Variants in GALNTL6 observed in about 807,000 individuals in gnomAD.
The protein encoded by GALNTL6 is polypeptide N-acetylgalactosaminyltransferase like 6, also known as polypeptide N-acetylgalactosaminyltransferase-like 6.
GALNTL6 carries 46 observed loss-of-function variants against 73.7 expected under a neutral mutation model. That is an observed-to-expected ratio of 0.62 (90% CI 0.49 to 0.80). The LOEUF (loss-of-function observed/expected upper bound fraction) is 0.80, where lower values mean the gene tolerates loss of function less well. Ranked by LOEUF, GALNTL6 falls within the 30% of genes least tolerant of loss-of-function variation. The pLI is 0.00. For missense variants in GALNTL6, 604 were observed against 755.0 expected, an observed-to-expected ratio of 0.80 and a Z score of 2.34; for synonymous variants, 259 against 263.7, an observed-to-expected ratio of 0.98 and a Z score of 0.17.
intron 5 of GALNTL6, among the ~76,000 whole-genome samples, chr4:172,566,132 A>G (rs1736547130): frequency 6.6e-6 from 1 of 152,200 alleles, no homozygotes; most frequent in South Asian, 2.1e-4. Context: ...AATGAATGGA[A>G]CATTCTGACA....
chr4:172,938,807 A>C (rs1748762386), intron 9 of GALNTL6, among the ~76,000 whole-genome samples: 2 of 152,216 alleles, frequency 1.3e-5, no homozygotes, highest in South Asian at 4.1e-4. Flanking sequence ...GAAATGATAG[A>C]TCTTCCCTCA....
At chr4:172,733,976 A>G (rs141435146) in intron 5 of GALNTL6, among the ~76,000 whole-genome samples, 10 of 152,288 alleles carry the variant, frequency 6.6e-5, no homozygotes, top group African/African-American at 1.9e-4. Flanking sequence ...GGAAGTTTGG[A>G]ACTTCCTAGA....
intron 5 of GALNTL6, among the ~76,000 whole-genome samples, chr4:172,503,553 T>TATATATATATATATATAA (rs1554031112): frequency 6.9e-6 from 1 of 145,690 alleles, no homozygotes; most frequent in African/African-American, 2.6e-5. Context: ...TATATATGTA[T>TATATATATATATATATAA]TAGTTTTTTG....
intron 2 of GALNTL6, among the ~76,000 whole-genome samples, chr4:171,865,349 A>G (rs988154388): frequency 6.6e-6 from 1 of 152,218 alleles, no homozygotes; most frequent in Non-Finnish European, 1.5e-5. Context: ...AGCAACACAG[A>G]AAAACAGTAA....
At chr4:172,588,562 C>A (rs1737512617) in intron 5 of GALNTL6, among the ~76,000 whole-genome samples, 1 of 151,896 alleles carries the variant, frequency 6.6e-6, no homozygotes, top group Non-Finnish European at 1.5e-5. Flanking sequence ...AAAAATCCTC[C>A]CAATCGTGGA....
At chr4:172,928,462 GCTAA>G (rs1414808522) in intron 8 of GALNTL6, among the ~76,000 whole-genome samples, 2 of 152,186 alleles carry the variant, frequency 1.3e-5, no homozygotes, top group Non-Finnish European at 2.9e-5. Flanking sequence ...ATTCATAAAT[GCTAA>G]CTTGTGCTGT....
At chr4:171,923,502 A>G (rs1737861791) in intron 2 of GALNTL6, among the ~76,000 whole-genome samples, 1 of 146,824 alleles carries the variant, frequency 6.8e-6, no homozygotes, top group South Asian at 2.2e-4. Context: ...GGTTCACGCC[A>G]TTCTGTTGTC....
At chr4:172,715,147 G>T (rs1734988944) in intron 5 of GALNTL6, among the ~76,000 whole-genome samples, 1 of 152,176 alleles carries the variant, frequency 6.6e-6, no homozygotes, top group South Asian at 2.1e-4. Flanking sequence ...ATCCTTTTGG[G>T]GTCTCTACTA....
Position 172,504,491 on chromosome 4 carries a change from A to G in GALNTL6, c.553+155802A>G, listed in dbSNP as rs1190122861. On this transcript the variant is annotated intron_variant, in intron 5 of 12. Transcript: ENST00000506823. Reference sequence around the variant, plus strand: ...TAGGGGTGCTTCTTCCTTGATGATTACATTTCAGAAATGGTTCCCAGATCC... The same window carrying G: ...TAGGGGTGCTTCTTCCTTGATGATTGCATTTCAGAAATGGTTCCCAGATCC... 7.5e-5 allele frequency among the ~76,000 whole-genome samples: 4 copies of G among 53,326 alleles called. 2 individuals are homozygous for G. Among genetic ancestry groups the G allele is most frequent in the African/African-American group, 1.9e-4 (4 of 21,228 alleles). The allele number at this position is 53,326 out of a possible 152,430, so 35.0% of individuals were successfully genotyped here.
At chr4:172,880,713 G>A (rs547290520) in intron 7 of GALNTL6, among the ~76,000 whole-genome samples, 1 of 152,156 alleles carries the variant, frequency 6.6e-6, no homozygotes, top group South Asian at 2.1e-4. Context: ...CATAAACACA[G>A]TAAATAAAAA....
At chr4:172,606,857 A>G (rs972946468) in intron 5 of GALNTL6, among the ~76,000 whole-genome samples, 1 of 151,366 alleles carries the variant, frequency 6.6e-6, no homozygotes, top group East Asian at 1.9e-4. Flanking sequence ...TAGAAGTTGG[A>G]AGAGGAATTT....
At chr4:172,820,928 G>C (rs1173085134) in intron 7 of GALNTL6, among the ~76,000 whole-genome samples, 3 of 152,208 alleles carry the variant, frequency 2.0e-5, no homozygotes, top group Non-Finnish European at 2.9e-5. Context: ...ATGTTCATCA[G>C]TTTAGTCTAA....
At chr4:172,233,044 C>T (rs1480490530) in intron 3 of GALNTL6, among the ~76,000 whole-genome samples, 2 of 151,888 alleles carry the variant, frequency 1.3e-5, no homozygotes, top group African/African-American at 4.8e-5. Flanking sequence ...AAAGATAGGT[C>T]ATACTGATGT....
At chr4:172,845,228 A>G (rs1375417758) in intron 7 of GALNTL6, among the ~76,000 whole-genome samples, 5 of 147,924 alleles carry the variant, frequency 3.4e-5, no homozygotes, top group Non-Finnish European at 7.4e-5. Context: ...AAAAAAAAAA[A>G]AAAAAAGAAA....
chr4:171,959,459 T>C (rs17057767), intron 2 of GALNTL6, among the ~76,000 whole-genome samples: 3,512 of 152,306 alleles, frequency 0.023, 102 homozygotes, highest in African/African-American at 0.062. Flanking sequence ...TTGTTTAGTG[T>C]TCCATTAGAG....
chr4:172,708,964 GA>G (rs772838422), intron 5 of GALNTL6, among the ~76,000 whole-genome samples: 1 of 151,900 alleles, frequency 6.6e-6, no homozygotes, highest in Non-Finnish European at 1.5e-5. Context: ...TTTTTCTGGA[GA>G]AAAAAAATTG....
At chr4:171,918,993 A>T (rs915654192) in intron 2 of GALNTL6, among the ~76,000 whole-genome samples, 1 of 152,106 alleles carries the variant, frequency 6.6e-6, no homozygotes, top group Non-Finnish European at 1.5e-5. Context: ...GGAGGGGGAA[A>T]CAGAAAGTTA....
chr4:172,857,339 C>A (rs1579572625), intron 7 of GALNTL6, among the ~76,000 whole-genome samples: 1 of 152,102 alleles, frequency 6.6e-6, no homozygotes, highest in South Asian at 2.1e-4. Context: ...CAGCTTTTGG[C>A]CTGAACACGG....
At chr4:171,875,733 T>C (rs554869123) in intron 2 of GALNTL6, among the ~76,000 whole-genome samples, 1 of 150,964 alleles carries the variant, frequency 6.6e-6, no homozygotes, top group Non-Finnish European at 1.5e-5. Context: ...GGGTGTTGCT[T>C]TCTGCATAGG....
Sources: allele counts gnomAD v4.1 joint callset (sites outside exome capture counted in the v4.1 genomes callset), GRCh38; gene constraint gnomAD v4.1.1; transcripts MANE v1.5; gene names NCBI Gene and HGNC (gene_info 2026-07-23, HGNC 2026-07-21).